ASTN1: variants seen among roughly 807,000 people sequenced by gnomAD.
ASTN1 encodes astrotactin 1.
Under a neutral mutation model 140.7 loss-of-function variants are expected in ASTN1, and 41 were observed. The ratio of observed to expected loss-of-function variants is 0.29; its 90% CI spans 0.23 to 0.38. The LOEUF is 0.38. ASTN1 is among the 10% of genes least tolerant of loss of function. The pLI is 1.00. For missense variants in ASTN1, 1,479 were observed against 1,678.8 expected, an observed-to-expected ratio of 0.88 and a Z score of 2.08; for synonymous variants, 640 against 652.2, an observed-to-expected ratio of 0.98 and a Z score of 0.29.
At position 177,062,243 on chromosome 1, in the gene ASTN1, T is replaced by C. The variant is rs369086438; in HGVS notation, c.284-978A>G. Reference sequence around the variant, plus strand: ...CATTGCTTTACAAAATTTTTCTTTTTTTTTTTCTTTTTTTTAAGCAAGGGT... The same window carrying C: ...CATTGCTTTACAAAATTTTTCTTTTCTTTTTTCTTTTTTTTAAGCAAGGGT... On this transcript the variant is annotated intron_variant, in intron 1 of 22. Coordinates refer to ENST00000361833, the MANE Select transcript of ASTN1 (RefSeq NM_004319.3). 2.0e-4 allele frequency among the ~76,000 whole-genome samples: 31 copies of C among 152,094 alleles called. No homozygotes were observed. The East Asian group carries it at 5.8e-3, about 28-fold the overall frequency.
intron 1 of ASTN1, among the ~76,000 whole-genome samples, chr1:177,068,135 T>G (rs1230741045): frequency 6.6e-6 from 1 of 152,302 alleles, no homozygotes; most frequent in East Asian, 1.9e-4. Context: ...CAGGAAACTC[T>G]TTTGCGAAGA....
At position 176,961,914 on chromosome 1, in the gene ASTN1, G is replaced by A. The variant is rs546177498; in HGVS notation, c.1598+3249C>T. ...AGTTGATGGCTCAGCTGTGCACTGA[G>A]TCCTGCACACAGCCCTGTGTTCAAC... On this transcript the variant is annotated intron_variant, in intron 9 of 22. Coordinates refer to ENST00000361833, the MANE Select transcript of ASTN1 (RefSeq NM_004319.3). Among the ~76,000 whole-genome samples the A allele has an allele frequency of 2.6e-5, 4 of 152,304 alleles. No individual in the cohort carries two copies. The South Asian group carries it at 8.3e-4, about 32-fold the overall frequency.
chr1:176,920,515 C>T (rs548158421), intron 16 of ASTN1, among the ~76,000 whole-genome samples: 3 of 152,160 alleles, frequency 2.0e-5, no homozygotes, highest in East Asian at 1.9e-4. Flanking sequence ...CAGTGCCTTT[C>T]GGGGTCCCTC....
chr1:176,957,789 C>G lies in ASTN1; in HGVS notation c.1776G>C (p.Glu592Asp). 1 of 1,614,056 alleles carries G rather than the reference C, an allele frequency of 6.2e-7. No individual in the cohort carries two copies. The highest frequency in any genetic ancestry group is 8.5e-7 in the Non-Finnish European group (1 of 1,179,988). The change falls in exon 11 of 23, where the codon GAG becomes GAC. Residue 592 changes from glutamate (E) to aspartate (D), a missense_variant. Physicochemically the swap from Glu to Asp is conservative, Grantham distance 45 (BLOSUM62 2). Transcript: ENST00000361833. Reference sequence around the variant, plus strand: ...CCGGCCCAAAGGAATCTAAGAGAACCTCCAGGCTGTCGAAGGAGGATGAAG... The same window carrying G: ...CCGGCCCAAAGGAATCTAAGAGAACGTCCAGGCTGTCGAAGGAGGATGAAG... ...LMTSSSFDSL[E>D]VLLDSFGPVR...
chr1:176,867,811 G>A (rs1668179630), intron 22 of ASTN1, among the ~76,000 whole-genome samples: 1 of 152,182 alleles, frequency 6.6e-6, no homozygotes. Context: ...TTTAGTCAGA[G>A]GTCAGATGGA....
At chr1:177,089,701 C>T (rs1254650267) in intron 1 of ASTN1, among the ~76,000 whole-genome samples, 2 of 152,144 alleles carry the variant, frequency 1.3e-5, no homozygotes, top group African/African-American at 2.4e-5. Flanking sequence ...AGCCTGCCCA[C>T]CACCTGCACG....
chr1:177,044,387 G>C (rs1308977725), intron 2 of ASTN1, among the ~76,000 whole-genome samples: 1 of 151,998 alleles, frequency 6.6e-6, no homozygotes, highest in African/African-American at 2.4e-5. Flanking sequence ...GATTGAGTGG[G>C]GTGCAGGTAA....
intron 11 of ASTN1, 106 bp downstream of exon 11, chr1:176,957,572 C>G (rs1672462366): frequency 1.4e-6 from 2 of 1,390,494 alleles, no homozygotes; most frequent in South Asian, 2.8e-5. Context: ...GTGTTTACAA[C>G]TGGGGATCAC....
intron 1 of ASTN1, among the ~76,000 whole-genome samples, chr1:177,078,222 A>G (rs940799625): frequency 1.3e-5 from 2 of 152,174 alleles, no homozygotes; most frequent in Admixed American, 1.3e-4. Context: ...CCTACCCCAG[A>G]GCCCCAGCTG....
chr1:176,958,458 G>A lies in ASTN1; in HGVS notation c.1623C>T (p.Gly541=). 2 of 1,613,490 alleles carry A rather than the reference G, an allele frequency of 1.2e-6. No homozygotes were observed. The highest frequency in any genetic ancestry group is 1.7e-6 in the Non-Finnish European group (2 of 1,179,746). ...AGCTCTTGCTGAGGGGCAACCACAT[G>A]CCCTCCCCAAGAGTGTAGGTGAATC... ...IFRFTYTLGE[G]MWLPLSKSFV... The change falls in exon 10 of 23, where the codon GGC becomes GGT. Residue 541 remains glycine, a synonymous_variant. Transcript: ENST00000361833.
In ASTN1 at chr1:177,032,671, A is replaced by G; in HGVS notation, c.650T>C (p.Leu217Pro). The change falls in exon 3 of 23, where the codon CTG (leucine) becomes CCG (proline). Residue 217 changes from leucine to proline, a missense_variant. By Grantham distance (98) the Leu-to-Pro change is moderately conservative. This residue lies in a region of ASTN1 where 729 missense variants were observed against 860.4 expected (regional missense o/e 0.85). Coordinates refer to ENST00000361833, the MANE Select transcript of ASTN1 (RefSeq NM_004319.3). ...VLIGGHGRESLRNARVQGHNS... is the reference protein window; with the variant it reads ...VLIGGHGRESPRNARVQGHNS... Reference sequence around the variant, plus strand: ...GTGGCCCTGCACGCGGGCATTGCGCAGGCTCTCCCGTCCGTGCCCGCCGAT... The same window carrying G: ...GTGGCCCTGCACGCGGGCATTGCGCGGGCTCTCCCGTCCGTGCCCGCCGAT... 6.2e-7 allele frequency: 1 copy of G among 1,614,118 alleles called. No individual in the cohort carries two copies. The highest frequency in any genetic ancestry group is 8.5e-7 in the Non-Finnish European group (1 of 1,180,040).
chr1:176,866,411 G>A (rs1668128830), intron 22 of ASTN1, among the ~76,000 whole-genome samples: 1 of 152,190 alleles, frequency 6.6e-6, no homozygotes, highest in Admixed American at 6.5e-5. Flanking sequence ...GTTTGGCCAA[G>A]CAGGTTTTCC....
chr1:176,963,452 C>T (rs1249350186), intron 9 of ASTN1, among the ~76,000 whole-genome samples: 1 of 152,090 alleles, frequency 6.6e-6, no homozygotes, highest in South Asian at 2.1e-4. Flanking sequence ...TAGTTATTTC[C>T]ATGTTAGGGA....
chr1:177,159,422 A>G (rs148860662), intron 1 of ASTN1, among the ~76,000 whole-genome samples: 326 of 152,330 alleles, frequency 2.1e-3, no homozygotes, highest in Non-Finnish European at 3.8e-3. Context: ...AAAAAGAAGG[A>G]AAAGAAACAT....
At chr1:176,991,895 T>C (rs1558015402) in intron 8 of ASTN1, among the ~76,000 whole-genome samples, 1 of 152,194 alleles carries the variant, frequency 6.6e-6, no homozygotes, top group Non-Finnish European at 1.5e-5. Flanking sequence ...TCAAACTTCT[T>C]GGATCATAGT....
intron 1 of ASTN1, among the ~76,000 whole-genome samples, chr1:177,128,681 C>A (rs937287136): frequency 6.6e-6 from 1 of 152,144 alleles, no homozygotes; most frequent in African/African-American, 2.4e-5. Context: ...TGTTTATGGT[C>A]TTTGGGTATT....
intron 2 of ASTN1, among the ~76,000 whole-genome samples, chr1:177,043,758 C>T (rs560241949): frequency 4.7e-4 from 72 of 152,300 alleles, no homozygotes; most frequent in African/African-American, 1.7e-3. Flanking sequence ...GAGACGCTGA[C>T]GTACGAACAC....
intron 11 of ASTN1, among the ~76,000 whole-genome samples, chr1:176,956,339 G>T (rs1355466780): frequency 1.3e-5 from 2 of 151,950 alleles, no homozygotes; most frequent in African/African-American, 4.8e-5. Context: ...TAAAAGTCTG[G>T]GGAGGCCTTA....
At chr1:177,057,143 G>A (rs1677845102) in intron 2 of ASTN1, among the ~76,000 whole-genome samples, 1 of 152,180 alleles carries the variant, frequency 6.6e-6, no homozygotes, top group South Asian at 2.1e-4. Context: ...ATTATTCTAT[G>A]CAAGGAAGAA....
Sources: allele counts gnomAD v4.1 joint callset (sites outside exome capture counted in the v4.1 genomes callset), GRCh38; gene constraint gnomAD v4.1.1; regional missense constraint gnomAD v4.1.1; transcripts MANE v1.5; gene names NCBI Gene and HGNC (gene_info 2026-07-23, HGNC 2026-07-21).